The following ARAP2 variants were observed in gnomAD, a reference collection of about 807,000 sequenced individuals.
The protein encoded by ARAP2 is ArfGAP with RhoGAP domain, ankyrin repeat and PH domain 2.
In ARAP2, 148 loss-of-function variants were observed where a neutral mutation model predicts 194.5. That is an observed-to-expected ratio of 0.76 (90% CI 0.67 to 0.87). The LOEUF is 0.87. Among genes scored for constraint, ARAP2 ranks in the 40% least tolerant of loss-of-function variants. The probability of loss-of-function intolerance (pLI) is 0.00; values close to 1 mark genes in which losing one functional copy is unlikely to be tolerated. For missense variants in ARAP2, 2,128 were observed against 1,989.7 expected (o/e 1.07, Z -1.32); for synonymous variants, 695 against 683.5 (o/e 1.02, Z -0.26).
Position 36,243,950 on chromosome 4 carries a change from G to A in ARAP2, c.-160+229C>T, listed in dbSNP as rs544805784. On this transcript the variant is annotated intron_variant, in intron 1 of 32. Coordinates refer to ENST00000303965, the MANE Select transcript of ARAP2 (RefSeq NM_015230.4). Reference sequence around the variant, plus strand: ...TGTCTATCCGGATCCTCACCCTCCCGGGTCAAATCCCAGAAGTGGAGTTCT... The same window carrying A: ...TGTCTATCCGGATCCTCACCCTCCCAGGTCAAATCCCAGAAGTGGAGTTCT... 1.9e-4 allele frequency: 29 copies of A among 152,334 alleles called. 1 individual carries two copies. The highest frequency in any genetic ancestry group is 7.0e-4 in the African/African-American group (29 of 41,572). 9.4% of individuals were successfully genotyped at this position (152,334 alleles called of 1,614,324 possible).
chr4:36,080,172 C>A (rs1729170988), intron 31 of ARAP2, 44 bp downstream of exon 31: 2 of 1,522,360 alleles, frequency 1.3e-6, no homozygotes, highest in African/African-American at 1.4e-5. Context: ...TTCCTGTAAA[C>A]AAAGTTATTA....
chr4:36,099,022 T>C (rs1017046154), intron 27 of ARAP2, among the ~76,000 whole-genome samples: 1 of 151,984 alleles, frequency 6.6e-6, no homozygotes, highest in Non-Finnish European at 1.5e-5. Context: ...CCATTAGCTG[T>C]TCTTCCTGAT....
intron 20 of ARAP2, among the ~76,000 whole-genome samples, chr4:36,130,836 T>C (rs1449333043): frequency 2.0e-5 from 3 of 151,948 alleles, no homozygotes; most frequent in African/African-American, 7.2e-5. Flanking sequence ...CAAACATCAA[T>C]GCTGACTAAG....
Position 36,079,475 on chromosome 4 carries a change from C to T in ARAP2, c.4608+741G>A, listed in dbSNP as rs148956164. 9.9e-5 allele frequency among the ~76,000 whole-genome samples: 15 copies of T among 152,222 alleles called. No homozygotes were observed. The East Asian group carries it at 2.1e-3, about 22-fold the overall frequency. On this transcript the variant is annotated intron_variant, in intron 31 of 32. Coordinates refer to ENST00000303965, the MANE Select transcript of ARAP2 (RefSeq NM_015230.4). ...CAGTAATAAAGAATGGCAACTTAAT[C>T]GTTACCAGTGAATTTCAATGCTCCA...
chr4:36,070,980 C>T (rs560060030), intron 32 of ARAP2, among the ~76,000 whole-genome samples: 1 of 152,266 alleles, frequency 6.6e-6, no homozygotes, highest in African/African-American at 2.4e-5. Context: ...CTGCTTTCTA[C>T]CACATCAAAC....
At chr4:36,009,518 G>T (rs986381777) in intron 9 of ARAP2, among the ~76,000 whole-genome samples, 1 of 151,980 alleles carries the variant, frequency 6.6e-6, no homozygotes, top group Admixed American at 6.6e-5. Context: ...AATACAAGAG[G>T]GGGGATAAAG....
At chr4:36,232,590 T>A (rs924821800) in intron 1 of ARAP2, among the ~76,000 whole-genome samples, 1 of 152,242 alleles carries the variant, frequency 6.6e-6, no homozygotes, top group Non-Finnish European at 1.5e-5. Context: ...TCCACTCTTG[T>A]CAATTATTTC....
chr4:36,222,991 CT>C (rs1749497934), intron 2 of ARAP2, among the ~76,000 whole-genome samples: 1 of 151,932 alleles, frequency 6.6e-6, no homozygotes, highest in Non-Finnish European at 1.5e-5. Context: ...TATTGCACTC[CT>C]TTTTCCCTTC....
chr4:36,077,807 A>G (rs1401369349), intron 31 of ARAP2, among the ~76,000 whole-genome samples: 1 of 152,074 alleles, frequency 6.6e-6, no homozygotes, highest in Non-Finnish European at 1.5e-5. Context: ...CTCATCTCTA[A>G]TATCTTACCT....
rs1410724509 is a variant in ARAP2, at chr4:36,121,245, C to G, written c.3828G>C (p.Lys1276Asn). 6.2e-7 allele frequency: 1 copy of G among 1,606,602 alleles called. No homozygotes were observed. Among genetic ancestry groups the G allele is most frequent in the Middle Eastern group, 1.7e-4 (1 of 6,030 alleles). Residue 1276 changes from lysine to asparagine, a missense_variant, in exon 23 of 33, where the codon AAG becomes AAC. Physicochemically the swap from Lys to Asn is moderately conservative, Grantham distance 94. Transcript: ENST00000303965. Reference protein sequence around the residue: ...LVFSSCLFQTKGQTSEEVNVI... With the variant: ...LVFSSCLFQTNGQTSEEVNVI... ...CATTCACTTCTTCACTAGTTTGTCC[C>G]TTCGTTTGAAACAAACAGGATGAAA...
rs1047322507 is a variant in ARAP2, at chr4:36,149,935, CT to C, written c.2897+964del. Among the ~76,000 whole-genome samples, 23 of 152,154 alleles carry C rather than the reference CT, an allele frequency of 1.5e-4. No individual in the cohort carries two copies. In the South Asian group the frequency reaches 3.9e-3, roughly 26 times the overall value. ...ATTTAAAATCTATGCTCCTATAAAACTTTTTTCAGATTTTAATATCAATGTT... is the reference window on the plus strand; with the variant it reads ...ATTTAAAATCTATGCTCCTATAAAACTTTTTCAGATTTTAATATCAATGTT... On this transcript the variant is annotated intron_variant, in intron 16 of 32. Transcript: ENST00000303965.
In ARAP2 at chr4:36,107,578, A is replaced by C; in HGVS notation, c.4272T>G (p.Ile1424Met). The C allele has an allele frequency of 6.2e-7, 1 of 1,609,802 alleles. No homozygotes were observed. The highest frequency in any genetic ancestry group is 8.5e-7 in the Non-Finnish European group (1 of 1,177,684). ...AATGACACCTACCACTGCAGTGTTT[A>C]ATTGTGTCAGCGGTTAAGAATCTCT... is the stretch of plus-strand genomic sequence containing the variant. ...VVKRFLTADT[I>M]KHCSDRSTLG... The change falls in exon 27 of 33, where the codon ATT becomes ATG. Residue 1424 changes from isoleucine to methionine, a missense_variant. Transcript: ENST00000303965.
At chr4:36,220,073 T>A (rs2109307839) in intron 2 of ARAP2, among the ~76,000 whole-genome samples, 1 of 152,334 alleles carries the variant, frequency 6.6e-6, no homozygotes, top group African/African-American at 2.4e-5. Flanking sequence ...TGTATACTAC[T>A]AAGGCAAGTA....
chr4:36,111,340 C>G (rs895961241), intron 26 of ARAP2, among the ~76,000 whole-genome samples: 12 of 151,986 alleles, frequency 7.9e-5, no homozygotes, highest in African/African-American at 2.9e-4. Flanking sequence ...ACATGTGGTA[C>G]ACACATGTTC....
chr4:36,126,986 C>T (rs1017460242), intron 21 of ARAP2, among the ~76,000 whole-genome samples: 69 of 152,118 alleles, frequency 4.5e-4, no homozygotes, highest in African/African-American at 1.6e-3. Context: ...TACAGGAGCA[C>T]ATCATGCCTG....
intron 15 of ARAP2, among the ~76,000 whole-genome samples, chr4:36,154,663 A>T (rs892468460): frequency 6.6e-6 from 1 of 152,228 alleles, no homozygotes; most frequent in Admixed American, 6.5e-5. Context: ...TTATAACCAG[A>T]GGCCAGAAAA....
chr4:36,129,322 A>G (rs1367255313), intron 20 of ARAP2, among the ~76,000 whole-genome samples: 2 of 151,838 alleles, frequency 1.3e-5, no homozygotes, highest in African/African-American at 4.8e-5. Context: ...GCCTCCTCCC[A>G]GGCTTCTTTT....
chr4:36,202,339 T>C (rs895506480), intron 6 of ARAP2, among the ~76,000 whole-genome samples: 4 of 152,154 alleles, frequency 2.6e-5, no homozygotes, highest in African/African-American at 9.7e-5. Context: ...ACTTCTCTAT[T>C]CTAAAGAGCA....
intron 30 of ARAP2, among the ~76,000 whole-genome samples, chr4:36,081,947 C>T (rs1045613846): frequency 7.2e-5 from 11 of 152,022 alleles, no homozygotes; most frequent in Non-Finnish European, 1.5e-4. Flanking sequence ...TTAGCTAGTT[C>T]TTATTCTGTT....
Sources: gnomAD v4.1 joint callset for allele counts (sites outside exome capture counted in the v4.1 genomes callset) on GRCh38, gnomAD v4.1.1 for gene constraint, MANE v1.5 for transcripts, NCBI Gene and HGNC (gene_info 2026-07-23, HGNC 2026-07-21) for gene names.